CDK14: variants seen among roughly 807,000 people sequenced by gnomAD.
CDK14 encodes cyclin-dependent kinase 14.
A neutral mutation model predicts 60.7 loss-of-function variants in CDK14; 34 were observed. The ratio of observed to expected loss-of-function variants is 0.56; its 90% CI spans 0.43 to 0.75. The LOEUF (loss-of-function observed/expected upper bound fraction) is 0.75, where lower values mean the gene tolerates loss of function less well. CDK14 is among the 30% of genes least tolerant of loss of function. The pLI, the probability that CDK14 is intolerant of heterozygous loss-of-function variation, is 0.00. For synonymous variants in CDK14, 197 were observed against 203.7 expected (o/e 0.97, Z 0.28); for missense variants, 482 against 564.1 (o/e 0.85, Z 1.47).
intron 1 of CDK14, among the ~76,000 whole-genome samples, chr7:90,601,922 T>TTATGTATG (rs66873680): frequency 0.07 from 9,959 of 143,276 alleles, 395 homozygotes; most frequent in Middle Eastern, 0.11. Context: ...TTGGCTAATT[T>TTATGTATG]TATGTATGTA....
intron 12 of CDK14, among the ~76,000 whole-genome samples, chr7:91,104,419 C>A (rs1034948577): frequency 1.3e-5 from 2 of 152,202 alleles, no homozygotes; most frequent in Non-Finnish European, 2.9e-5. Context: ...GCTTTCCATC[C>A]TTAATGCCTG....
chr7:90,602,169 C>T (rs1482913464), intron 1 of CDK14, among the ~76,000 whole-genome samples: 1 of 152,068 alleles, frequency 6.6e-6, no homozygotes, highest in Non-Finnish European at 1.5e-5. Flanking sequence ...GCTAAATTTC[C>T]AGAACTTTTA....
chr7:90,678,162 T>A (rs992415770), intron 2 of CDK14, among the ~76,000 whole-genome samples: 3 of 152,208 alleles, frequency 2.0e-5, no homozygotes, highest in African/African-American at 7.2e-5. Context: ...CATAGGGGCT[T>A]TAAGGGAAGC....
intron 9 of CDK14, among the ~76,000 whole-genome samples, chr7:90,974,620 AC>A: frequency 6.6e-6 from 1 of 152,280 alleles, no homozygotes; most frequent in East Asian, 1.9e-4. Context: ...ATTAATGTCA[AC>A]TAGAGAAATA....
chr7:91,071,320 C>G (rs1006753056), intron 11 of CDK14, among the ~76,000 whole-genome samples: 1 of 152,214 alleles, frequency 6.6e-6, no homozygotes, highest in African/African-American at 2.4e-5. Context: ...CTATCCTGCA[C>G]TGGCAACCAA....
intron 4 of CDK14, among the ~76,000 whole-genome samples, chr7:90,764,574 C>T (rs993792215): frequency 1.3e-5 from 2 of 152,040 alleles, no homozygotes; most frequent in Admixed American, 6.5e-5. Context: ...TAGAGTAATT[C>T]AGTGCAAGAT....
chr7:90,726,808 G>C lies in CDK14; in HGVS notation c.365G>C (p.Ser122Thr), dbSNP rs1584826576. ...SPKVRRHSSP[S>T]SPTSPKFGKA... The stretch of plus-strand genomic sequence containing the variant: ...AAAGTTAGGCGGCACTCCAGCCCCA[G>C]CTCGGTAAGTGCAGTCTTTTTGTTT... The change falls in exon 3 of 15, where the codon AGC becomes ACC. Residue 122 changes from serine (S) to threonine (T), a missense_variant. Transcript: ENST00000380050. The C allele has an allele frequency of 1.2e-6, 2 of 1,613,398 alleles. No individual in the cohort carries two copies. The highest frequency in any genetic ancestry group is 2.2e-5 in the East Asian group (1 of 44,874).
At chr7:90,756,179 A>G (rs1804049687) in intron 4 of CDK14, among the ~76,000 whole-genome samples, 1 of 152,248 alleles carries the variant, frequency 6.6e-6, no homozygotes, top group African/African-American at 2.4e-5. Context: ...TATTCCAAAT[A>G]GTTCTCACAT....
intron 2 of CDK14, among the ~76,000 whole-genome samples, chr7:90,703,890 A>G (rs1801841223): frequency 6.6e-6 from 1 of 152,198 alleles, no homozygotes; most frequent in Non-Finnish European, 1.5e-5. Flanking sequence ...GTTTGAGACC[A>G]ACCTGGGCAA....
At chr7:91,127,666 C>T (rs1799994477) in intron 14 of CDK14, among the ~76,000 whole-genome samples, 1 of 150,782 alleles carries the variant, frequency 6.6e-6, no homozygotes, top group Non-Finnish European at 1.5e-5. Flanking sequence ...AAAATTTTAA[C>T]TTCTTTTTTT....
intron 5 of CDK14, among the ~76,000 whole-genome samples, chr7:90,847,428 A>T (rs2117167608): frequency 6.6e-6 from 1 of 152,258 alleles, no homozygotes; most frequent in Non-Finnish European, 1.5e-5. Context: ...AGAATAGATT[A>T]TCCAGATAAA....
At chr7:90,784,881 C>T (rs1805507377) in intron 4 of CDK14, among the ~76,000 whole-genome samples, 1 of 152,060 alleles carries the variant, frequency 6.6e-6, no homozygotes, top group Non-Finnish European at 1.5e-5. Context: ...TTTTAACTAG[C>T]ATATAAAGAG....
At position 91,016,095 on chromosome 7, in the gene CDK14, C is replaced by G. The variant is rs549333844; in HGVS notation, c.1042-29802C>G. Among the ~76,000 whole-genome samples the G allele has an allele frequency of 2.6e-5, 4 of 152,184 alleles. No homozygotes were observed. In the East Asian group the frequency reaches 7.7e-4, roughly 29 times the overall value. ...ATAAATAGATCCCTGCTGCTAACACCCTGGAGGATGTTGTGTGGAGCTACA... is the reference window on the plus strand; with the variant it reads ...ATAAATAGATCCCTGCTGCTAACACGCTGGAGGATGTTGTGTGGAGCTACA... On this transcript the variant is annotated intron_variant, in intron 10 of 14. Coordinates refer to ENST00000380050, the MANE Select transcript of CDK14 (RefSeq NM_001287135.2).
intron 2 of CDK14, among the ~76,000 whole-genome samples, chr7:90,687,872 G>A (rs1801471535): frequency 6.6e-6 from 1 of 152,176 alleles, no homozygotes; most frequent in Admixed American, 6.5e-5. Flanking sequence ...TTGTGGAATA[G>A]TGGCCTCTTT....
rs768515404 is a variant in CDK14, at chr7:90,596,713, G to T, written c.86G>T (p.Arg29Leu). Residue 29 changes from arginine to leucine, a missense_variant, in exon 1 of 15, where the codon CGC becomes CTC. Physicochemically the swap from Arg to Leu is moderately radical, Grantham distance 102. Coordinates refer to ENST00000380050, the MANE Select transcript of CDK14 (RefSeq NM_001287135.2). ...LRRTLSESFS[R>L]IALKKDDTTF... ...AGAACTTTGTCGGAGAGTTTCAGTC[G>T]CATTGGTGAGTAGCGCGCTGCCCCC... is the stretch of plus-strand genomic sequence containing the variant. 3 of 1,610,706 alleles carry T rather than the reference G, an allele frequency of 1.9e-6. No individual in the cohort carries two copies. Among genetic ancestry groups the T allele is most frequent in the African/African-American group, 1.3e-5 (1 of 74,930 alleles).
chr7:90,820,638 T>C (rs1789512444), intron 5 of CDK14, among the ~76,000 whole-genome samples: 1 of 152,186 alleles, frequency 6.6e-6, no homozygotes, highest in South Asian at 2.1e-4. Context: ...AATTACCCAG[T>C]CTCAGGTAGT....
rs576401000 is a variant in CDK14 at position 90,910,525 on chromosome 7, G to A, written c.703-7076G>A. Among the ~76,000 whole-genome samples, 32 of 152,204 alleles carry A rather than the reference G, an allele frequency of 2.1e-4. No individual in the cohort carries two copies. In the Middle Eastern group the frequency reaches 0.014, roughly 65 times the overall value. On this transcript the variant is annotated intron_variant, in intron 7 of 14. Transcript: ENST00000380050. Reference sequence around the variant, plus strand: ...TCTATGGGTTTTTAAATGATACGGCGTTAAATATGGAACATACTATTTGAA... The same window carrying A: ...TCTATGGGTTTTTAAATGATACGGCATTAAATATGGAACATACTATTTGAA...
chr7:90,813,880 A>T (rs1789241770), intron 5 of CDK14, among the ~76,000 whole-genome samples: 1 of 152,242 alleles, frequency 6.6e-6, no homozygotes, highest in African/African-American at 2.4e-5. Flanking sequence ...ACTGAATTTT[A>T]TACTTACGGG....
At chr7:90,634,032 G>A (rs1800070562) in intron 2 of CDK14, among the ~76,000 whole-genome samples, 1 of 152,114 alleles carries the variant, frequency 6.6e-6, no homozygotes, top group Non-Finnish European at 1.5e-5. Flanking sequence ...GTATAAAATT[G>A]CTGTTTATAG....
Sources: allele counts gnomAD v4.1 joint callset (sites outside exome capture counted in the v4.1 genomes callset), GRCh38; gene constraint gnomAD v4.1.1; transcripts MANE v1.5; gene names NCBI Gene and HGNC (gene_info 2026-07-23, HGNC 2026-07-21).